Variants in MTREX observed in about 807,000 individuals in gnomAD.
MTREX encodes exosome RNA helicase MTR4.
MTREX carries 76 observed loss-of-function variants against 135.4 expected under a neutral mutation model. The ratio of observed to expected loss-of-function variants is 0.56; its 90% CI spans 0.47 to 0.68. MTREX has a LOEUF of 0.68. Ranked by LOEUF, MTREX falls within the 30% of genes least tolerant of loss-of-function variation. The pLI is 0.00. For synonymous variants in MTREX, 404 were observed against 401.6 expected, an observed-to-expected ratio of 1.01 and a Z score of -0.07; for missense variants, 920 against 1,262.1, an observed-to-expected ratio of 0.73 and a Z score of 4.11.
rs1302662447 is a variant in MTREX, at chr5:55,400,364, A to G, written c.2424A>G (p.Pro808=). The G allele has an allele frequency of 8.1e-6, 13 of 1,612,708 alleles. No individual in the cohort carries two copies. Among genetic ancestry groups the G allele is most frequent in the Non-Finnish European group, 1.1e-5 (13 of 1,179,466 alleles). ...TTGAGCATCGAATGTATTCTCATCC[A>G]CTTCACAATGATCCAAATTTGGAAA... ...EAFEHRMYSH[P]LHNDPNLETV... The change falls in exon 21 of 27, where the codon CCA becomes CCG. Residue 808 remains proline (P), a synonymous_variant. Coordinates refer to ENST00000230640, the MANE Select transcript of MTREX (RefSeq NM_015360.5).
intron 10 of MTREX, among the ~76,000 whole-genome samples, 177 bp downstream of exon 10, chr5:55,345,373 T>TA (rs1400266267): frequency 2.0e-5 from 3 of 152,210 alleles, no homozygotes; most frequent in Non-Finnish European, 2.9e-5. Flanking sequence ...TTACATACTA[T>TA]AAAATTCACT....
chr5:55,381,099 T>C (rs1750390497), intron 18 of MTREX, among the ~76,000 whole-genome samples: 1 of 152,152 alleles, frequency 6.6e-6, no homozygotes, highest in Non-Finnish European at 1.5e-5. Context: ...CCTTTTTATT[T>C]TTGTATGGTC....
At chr5:55,372,061 T>C (rs944610020) in intron 16 of MTREX, among the ~76,000 whole-genome samples, 12 of 152,182 alleles carry the variant, frequency 7.9e-5, no homozygotes, top group African/African-American at 2.9e-4. Context: ...CTGTGCTGCC[T>C]TTAGTGCTCC....
At chr5:55,421,266 A>G (rs1207993786) in intron 25 of MTREX, among the ~76,000 whole-genome samples, 1 of 152,174 alleles carries the variant, frequency 6.6e-6, no homozygotes, top group Non-Finnish European at 1.5e-5. Context: ...ACAATTCACT[A>G]CTTAATCGTC....
chr5:55,322,341 G>A lies in MTREX; in HGVS notation c.149G>A (p.Gly50Asp). The change falls in exon 2 of 27, where the codon GGT (glycine) becomes GAT (aspartate). Residue 50 changes from glycine (G) to aspartate (D), a missense_variant. Transcript: ENST00000230640. Reference protein sequence around the residue: ...SADKAGKRFDGKLQSESTNNG... With the variant: ...SADKAGKRFDDKLQSESTNNG... ...TTACTTTTCAGGAAACGTTTTGATG[G>A]TAAATTACAATCAGAATCAACTAAT... The A allele has an allele frequency of 6.2e-7, 1 of 1,601,002 alleles. No homozygotes were observed. Among genetic ancestry groups the A allele is most frequent in the East Asian group, 2.2e-5 (1 of 44,508 alleles).
At chr5:55,375,595 ATGT>A (rs1189392040) in intron 16 of MTREX, among the ~76,000 whole-genome samples, 2 of 152,072 alleles carry the variant, frequency 1.3e-5, no homozygotes, top group Non-Finnish European at 2.9e-5. Context: ...TCAAACACAC[ATGT>A]TGTACAATTT....
Position 55,410,347 on chromosome 5 carries a change from ATATAT to A in MTREX, c.2646-175_2646-171del, listed in dbSNP as rs555363401. Reference sequence around the variant, plus strand: ...ATCCCCATTTTACATTGATTATATAATATATTGGTAATTATTAAAGATCTACTATG... The same window carrying A: ...ATCCCCATTTTACATTGATTATATAATGGTAATTATTAAAGATCTACTATG... On this transcript the variant is annotated intron_variant, in intron 22 of 26. Transcript: ENST00000230640. 4.3e-3 allele frequency among the ~76,000 whole-genome samples: 651 copies of A among 152,280 alleles called. 5 individuals carry two copies. The highest frequency in any genetic ancestry group is 0.015 in the African/African-American group (622 of 41,568).
intron 20 of MTREX, among the ~76,000 whole-genome samples, chr5:55,399,863 T>C (rs989692844): frequency 1.3e-5 from 2 of 152,182 alleles, no homozygotes; most frequent in East Asian, 3.9e-4. Context: ...GGAAATAATC[T>C]GAAAACAGTT....
chr5:55,347,680 C>G (rs1452544886), intron 11 of MTREX, among the ~76,000 whole-genome samples: 1 of 152,204 alleles, frequency 6.6e-6, no homozygotes, highest in Non-Finnish European at 1.5e-5. Flanking sequence ...GTAGCACAAC[C>G]TGGCTGTCTT....
chr5:55,367,336 A>G (rs997544303), intron 16 of MTREX, among the ~76,000 whole-genome samples: 1 of 152,086 alleles, frequency 6.6e-6, no homozygotes, highest in Admixed American at 6.5e-5. Context: ...AATACAAAAA[A>G]TGAGCTGGGC....
chr5:55,369,756 A>G (rs914437802), intron 16 of MTREX, among the ~76,000 whole-genome samples: 2 of 152,162 alleles, frequency 1.3e-5, no homozygotes, highest in Non-Finnish European at 2.9e-5. Context: ...AACCGAAGTC[A>G]AGTCTCAAGT....
intron 5 of MTREX, among the ~76,000 whole-genome samples, chr5:55,332,665 G>T (rs534903421): frequency 6.6e-6 from 1 of 152,138 alleles, no homozygotes; most frequent in Non-Finnish European, 1.5e-5. Context: ...TTTAACTGGG[G>T]CCCACCCCCT....
intron 12 of MTREX, among the ~76,000 whole-genome samples, chr5:55,350,320 G>C (rs909285210): frequency 5.3e-5 from 8 of 152,154 alleles, no homozygotes; most frequent in African/African-American, 1.9e-4. Context: ...CCATAAGACT[G>C]TGATAACATG....
intron 3 of MTREX, 29 bp from the exon 4 acceptor site, chr5:55,327,687 T>G (rs1561187430): frequency 6.4e-7 from 1 of 1,561,860 alleles, no homozygotes; most frequent in African/African-American, 1.4e-5. Context: ...GTTGGTGAGG[T>G]TTTTTTTTCT....
intron 18 of MTREX, among the ~76,000 whole-genome samples, chr5:55,379,626 G>A (rs1223630272): frequency 6.7e-6 from 1 of 149,334 alleles, no homozygotes; most frequent in Non-Finnish European, 1.5e-5. Flanking sequence ...AGAGACACAT[G>A]CATTGTTTTC....
At position 55,322,491 on chromosome 5, in the gene MTREX, A is replaced by G. The variant is rs749741071; in HGVS notation, c.272+27A>G. The G allele has an allele frequency of 3.9e-6, 6 of 1,528,730 alleles. No individual in the cohort carries two copies. In the South Asian group the frequency reaches 7.8e-5, roughly 20 times the overall value. 94.7% of individuals were successfully genotyped at this position (1,528,730 alleles called of 1,614,324 possible). Reference sequence around the variant, plus strand: ...TAATATTTCCAAAGTCCTAAATGTTAGTAACTCATAATTCAGGTGGTTACA... The same window carrying G: ...TAATATTTCCAAAGTCCTAAATGTTGGTAACTCATAATTCAGGTGGTTACA... On this transcript the variant is annotated intron_variant, in intron 2 of 26. Transcript: ENST00000230640.
At chr5:55,405,274 T>TTG in intron 21 of MTREX, 151 bp from the exon 22 acceptor site, 1 of 557,190 alleles carries the variant, frequency 1.8e-6, no homozygotes, top group East Asian at 2.8e-5. Context: ...GAAGCTCCAG[T>TTG]TTCCCCAGTC....
In MTREX at chr5:55,425,388, C is replaced by A; in HGVS notation, c.*616C>A. 2 of 1,477,954 alleles carry A rather than the reference C, an allele frequency of 1.4e-6. No homozygotes were observed. Among genetic ancestry groups the A allele is most frequent in the Non-Finnish European group, 1.8e-6 (2 of 1,082,628 alleles). The allele number at this position is 1,477,954 out of a possible 1,614,324, so 91.6% of individuals were successfully genotyped here. A position where few individuals can be genotyped will look rare whatever the true frequency, so the allele number is the denominator to read the frequency against. ...TTTAGATCAAGTTAAAAACTACATA[C>A]AAAGTTGTGATCAACAGCATCCTAA... On this transcript the variant is annotated 3_prime_UTR_variant, in exon 27 of 27. Coordinates refer to ENST00000230640, the MANE Select transcript of MTREX (RefSeq NM_015360.5).
chr5:55,325,498 A>AT lies in MTREX; in HGVS notation c.339+1312dup, dbSNP rs1298568290. On this transcript the variant is annotated intron_variant, in intron 3 of 26. Transcript: ENST00000230640. The stretch of plus-strand genomic sequence containing the variant: ...AGGTGCGTGCCACCACGCTTGGCTA[A>AT]TTTTTTTTTTTTAATTTTTTTTTTT... 5.3e-3 allele frequency among the ~76,000 whole-genome samples: 774 copies of AT among 144,764 alleles called. 2 individuals are homozygous for AT. Among genetic ancestry groups the AT allele is most frequent in the African/African-American group, 0.017 (687 of 39,704 alleles). The allele number at this position is 144,764 out of a possible 152,430, so 95.0% of individuals were successfully genotyped here.
Sources: allele counts gnomAD v4.1 joint callset (sites outside exome capture counted in the v4.1 genomes callset), GRCh38; gene constraint gnomAD v4.1.1; transcripts MANE v1.5; gene names NCBI Gene and HGNC (gene_info 2026-07-23, HGNC 2026-07-21).